Variants in APBB1IP observed in about 807,000 individuals in gnomAD.
APBB1IP encodes amyloid beta A4 precursor protein-binding family B member 1-interacting protein.
APBB1IP carries 27 observed loss-of-function variants against 64.9 expected under a neutral mutation model. The ratio of observed to expected loss-of-function variants is 0.42; its 90% CI spans 0.31 to 0.57. APBB1IP has a LOEUF of 0.57. APBB1IP is among the 20% of genes least tolerant of loss of function. The pLI, the probability that APBB1IP is intolerant of heterozygous loss-of-function variation, is 0.20. For synonymous variants in APBB1IP, 392 were observed against 331.0 expected, an observed-to-expected ratio of 1.18 and a Z score of -2.00; for missense variants, 812 against 845.5, an observed-to-expected ratio of 0.96 and a Z score of 0.49.
chr10:26,557,762 C>T (rs1253829056), intron 11 of APBB1IP, among the ~76,000 whole-genome samples: 1 of 152,180 alleles, frequency 6.6e-6, no homozygotes, highest in African/African-American at 2.4e-5. Context: ...ATTACAATCC[C>T]ACACGCTCTT....
rs1325742413 is a variant in APBB1IP at position 26,566,850 on chromosome 10, T to G, written c.1474-111T>G. The G allele has an allele frequency of 3.2e-6, 4 of 1,262,070 alleles. No homozygotes were observed. In the African/African-American group the frequency reaches 6.4e-5, roughly 20 times the overall value. The allele number at this position is 1,262,070 out of a possible 1,614,324, so 78.2% of individuals were successfully genotyped here. On this transcript the variant is annotated intron_variant, in intron 14 of 14. Transcript: ENST00000376236. ...CTGCAGTAAGTCCAGATCGCGCCAC[T>G]GCACTCAGCCTGGGCGACAGAGTGA...
intron 9 of APBB1IP, among the ~76,000 whole-genome samples, chr10:26,535,305 T>C (rs1481753949): frequency 6.6e-6 from 1 of 152,128 alleles, no homozygotes; most frequent in Admixed American, 6.5e-5. Flanking sequence ...TATTTATTTT[T>C]ATTCTTTTTA....
chr10:26,463,834 A>G lies in APBB1IP; in HGVS notation c.-1+24981A>G, dbSNP rs776212748. ...GGTGGTTTGCTGCACCTATCAACCC[A>G]TCATCTAGGTTTTAAGCCCCACATG... On this transcript the variant is annotated intron_variant, in intron 2 of 14. Transcript: ENST00000376236. 2.8e-4 allele frequency among the ~76,000 whole-genome samples: 42 copies of G among 152,134 alleles called. 1 individual carries two copies. Among genetic ancestry groups the G allele is most frequent in the Non-Finnish European group, 1.5e-4 (10 of 68,016 alleles).
At chr10:26,498,559 A>C (rs1405373014) in intron 4 of APBB1IP, among the ~76,000 whole-genome samples, 1 of 152,230 alleles carries the variant, frequency 6.6e-6, no homozygotes, top group Non-Finnish European at 1.5e-5. Flanking sequence ...GGCAATAGAT[A>C]ACATATACTT....
chr10:26,472,994 T>C (rs1361286363), intron 2 of APBB1IP, among the ~76,000 whole-genome samples: 1 of 151,982 alleles, frequency 6.6e-6, no homozygotes, highest in Non-Finnish European at 1.5e-5. Flanking sequence ...TAGAGGTACA[T>C]ATCATTTCTT....
At chr10:26,516,563 T>TAAAAAAAAAAAAAAAAAAAAAAAAAAAA (rs1198670517) in intron 8 of APBB1IP, among the ~76,000 whole-genome samples, 15 of 53,234 alleles carry the variant, frequency 2.8e-4, no homozygotes, top group African/African-American at 1.1e-3. Flanking sequence ...AAAAAAAAAG[T>TAAAAAAAAAAAAAAAAAAAAAAAAAAAA]AAAGCGGAAA....
rs1335952073 is a variant in APBB1IP, at chr10:26,567,219, C to T, written c.1732C>T (p.Pro578Ser). The T allele has an allele frequency of 2.2e-6, 3 of 1,368,486 alleles. No homozygotes were observed. Among genetic ancestry groups the T allele is most frequent in the Middle Eastern group, 2.7e-4 (1 of 3,674 alleles). The allele number at this position is 1,368,486 out of a possible 1,614,324, so 84.8% of individuals were successfully genotyped here. A position where few individuals can be genotyped will look rare whatever the true frequency, so the allele number is the denominator to read the frequency against. ...LPPPPPDFME[P>S]PPDFVPPPPP... Reference sequence around the variant, plus strand: ...GCCGCCGCCCCCGGACTTCATGGAGCCGCCCCCAGACTTCGTGCCCCCGCC... The same window carrying T: ...GCCGCCGCCCCCGGACTTCATGGAGTCGCCCCCAGACTTCGTGCCCCCGCC... Residue 578 changes from proline to serine, a missense_variant, in exon 15 of 15, where the codon CCG becomes TCG. Transcript: ENST00000376236.
chr10:26,567,299 G>GCCA lies in APBB1IP; in HGVS notation c.1814_1815insACC (p.Pro606dup). 1 of 1,080,792 alleles carries GCCA rather than the reference G, an allele frequency of 9.3e-7. No individual in the cohort carries two copies. The highest frequency in any genetic ancestry group is 1.1e-6 in the Non-Finnish European group (1 of 886,254). The allele number at this position is 1,080,792 out of a possible 1,614,324, so 67.0% of individuals were successfully genotyped here. A position where few individuals can be genotyped will look rare whatever the true frequency, so the allele number is the denominator to read the frequency against. ...CAGAGCTGCCCCCGCCGCCGCCGCC[G>GCCA]CCGCCCGCGCCCGCGCCCGCCCCCG... On this transcript the variant is annotated inframe_insertion, in exon 15 of 15. Coordinates refer to ENST00000376236, the MANE Select transcript of APBB1IP (RefSeq NM_019043.4).
At chr10:26,453,866 G>C (rs1340414056) in intron 2 of APBB1IP, among the ~76,000 whole-genome samples, 1 of 152,194 alleles carries the variant, frequency 6.6e-6, no homozygotes, top group African/African-American at 2.4e-5. Context: ...CCACTGCTGG[G>C]TGTATACCCA....
chr10:26,562,300 T>A, intron 13 of APBB1IP, 26 bp from the exon 14 acceptor site: 1 of 1,554,746 alleles, frequency 6.4e-7, no homozygotes, highest in Non-Finnish European at 8.9e-7. Context: ...TTGCTCACTC[T>A]TCTTTTCTCA....
At chr10:26,560,265 A>G in intron 12 of APBB1IP, 62 bp downstream of exon 12, 4 of 1,462,572 alleles carry the variant, frequency 2.7e-6, no homozygotes, top group Non-Finnish European at 3.8e-6. Flanking sequence ...TGACCTGGGC[A>G]CAGCCTTCCT....
intron 2 of APBB1IP, among the ~76,000 whole-genome samples, chr10:26,484,416 C>T (rs1835868668): frequency 2.0e-5 from 3 of 152,154 alleles, no homozygotes; most frequent in Admixed American, 2.0e-4. Context: ...GATTCTTGTG[C>T]CTCAGACTCC....
intron 2 of APBB1IP, among the ~76,000 whole-genome samples, chr10:26,453,224 G>A (rs565926664): frequency 7.9e-5 from 12 of 152,216 alleles, no homozygotes; most frequent in Non-Finnish European, 1.6e-4. Context: ...TTGTGTAGTG[G>A]GTAGGACTTA....
chr10:26,506,248 T>TGG (rs1264191856), intron 6 of APBB1IP, among the ~76,000 whole-genome samples: 18 of 30,876 alleles, frequency 5.8e-4, no homozygotes, highest in Non-Finnish European at 9.1e-4. Context: ...ACCGTGTGTG[T>TGG]GTGGGGGGGG....
At chr10:26,526,445 G>C (rs1434193426) in intron 8 of APBB1IP, among the ~76,000 whole-genome samples, 1 of 152,158 alleles carries the variant, frequency 6.6e-6, no homozygotes, top group Non-Finnish European at 1.5e-5. Flanking sequence ...ATCTGGCCAG[G>C]CATGGTGGCT....
In APBB1IP at chr10:26,543,381, C is replaced by G. The variant is rs181577533; in HGVS notation, c.1155+1689C>G. Among the ~76,000 whole-genome samples, 1,254 of 151,268 alleles carry G rather than the reference C, an allele frequency of 8.3e-3. 13 individuals carry two copies. Among genetic ancestry groups the G allele is most frequent in the Non-Finnish European group, 0.013 (860 of 67,848 alleles). On this transcript the variant is annotated intron_variant, in intron 11 of 14. Transcript: ENST00000376236. ...CTTGGGGGGCTTGAGGCAGGAGAAT[C>G]ACTTGAACCCGGGAGGCGGAGGTTG...
intron 8 of APBB1IP, among the ~76,000 whole-genome samples, chr10:26,529,920 C>T (rs570519838): frequency 7.2e-5 from 11 of 152,294 alleles, no homozygotes; most frequent in African/African-American, 2.4e-4. Flanking sequence ...GGATTACAGG[C>T]GTGAGCCACC....
intron 2 of APBB1IP, among the ~76,000 whole-genome samples, chr10:26,478,486 CATGCCTGTAA>C (rs1482493482): frequency 1.3e-5 from 2 of 151,914 alleles, no homozygotes; most frequent in Non-Finnish European, 1.5e-5. Context: ...AGGAGTGGCG[CATGCCTGTAA>C]TCCAGCTACT....
chr10:26,480,998 T>C (rs1172382573), intron 2 of APBB1IP, among the ~76,000 whole-genome samples: 1 of 152,162 alleles, frequency 6.6e-6, no homozygotes, highest in Non-Finnish European at 1.5e-5. Context: ...GCATTGTCCC[T>C]CTGGTTTTAG....
Sources: allele counts gnomAD v4.1 joint callset (sites outside exome capture counted in the v4.1 genomes callset), GRCh38; gene constraint gnomAD v4.1.1; transcripts MANE v1.5; gene names NCBI Gene and HGNC (gene_info 2026-07-23, HGNC 2026-07-21).